XKR4: variants seen among roughly 807,000 people sequenced by gnomAD.
XKR4 encodes XK related 4, also known as XK-related protein 4.
In XKR4, 12 loss-of-function variants were observed where a neutral mutation model predicts 53.9. The ratio of observed to expected loss-of-function variants is 0.22; its 90% CI spans 0.14 to 0.36. XKR4 has a LOEUF of 0.36. Among genes scored for constraint, XKR4 ranks in the 10% least tolerant of loss-of-function variants. The pLI is 1.00. For synonymous variants in XKR4, 354 were observed against 362.4 expected (o/e 0.98, Z 0.26); for missense variants, 799 against 859.5 (o/e 0.93, Z 0.88).
At chr8:55,164,098 C>T in intron 1 of XKR4, 1 of 431,172 alleles carries the variant, frequency 2.3e-6, no homozygotes, top group Non-Finnish European at 4.7e-6. Context: ...ATTAAGACCT[C>T]CACCTTCTCT....
At chr8:55,286,678 A>G (rs897054266) in intron 1 of XKR4, among the ~76,000 whole-genome samples, 2 of 152,238 alleles carry the variant, frequency 1.3e-5, no homozygotes, top group Non-Finnish European at 2.9e-5. Flanking sequence ...GCATGCCTTC[A>G]GCCAAAAGCT....
intron 2 of XKR4, among the ~76,000 whole-genome samples, chr8:55,369,397 G>A (rs188743738): frequency 3.3e-4 from 20 of 60,984 alleles, no homozygotes; most frequent in South Asian, 8.8e-4. Context: ...GAGGGGAGGG[G>A]AGGGGAGGGA....
chr8:55,106,263 C>A lies in XKR4; in HGVS notation c.806+2969C>A, dbSNP rs1005023194. 8.5e-5 allele frequency among the ~76,000 whole-genome samples: 13 copies of A among 152,186 alleles called. No individual in the cohort carries two copies. In the South Asian group the frequency reaches 2.5e-3, roughly 29 times the overall value. Reference sequence around the variant, plus strand: ...AAGCATTTGCTTGTTTAGAAATAGCCATTGAAACATTGTGGGTAAGATTTG... The same window carrying A: ...AAGCATTTGCTTGTTTAGAAATAGCAATTGAAACATTGTGGGTAAGATTTG... On this transcript the variant is annotated intron_variant, in intron 1 of 2. Transcript: ENST00000327381.
intron 2 of XKR4, chr8:55,455,019 A>G: frequency 5.2e-6 from 4 of 764,142 alleles, no homozygotes; most frequent in South Asian, 1.4e-5. Context: ...AGCTGGGGGA[A>G]TGGGTTGGCC....
intron 2 of XKR4, among the ~76,000 whole-genome samples, chr8:55,359,183 A>G (rs945719189): frequency 6.6e-5 from 10 of 152,232 alleles, no homozygotes; most frequent in Non-Finnish European, 1.3e-4. Flanking sequence ...GAGAAGGCAG[A>G]AGGCCGTGTG....
At chr8:55,465,291 A>G (rs1273854333) in intron 2 of XKR4, among the ~76,000 whole-genome samples, 1 of 152,170 alleles carries the variant, frequency 6.6e-6, no homozygotes, top group Non-Finnish European at 1.5e-5. Context: ...AAACAGAGAT[A>G]TAGACCAAAG....
At chr8:55,277,037 C>T (rs1434441868) in intron 1 of XKR4, among the ~76,000 whole-genome samples, 6 of 152,172 alleles carry the variant, frequency 3.9e-5, no homozygotes, top group Non-Finnish European at 5.9e-5. Context: ...CTGAGTCTGA[C>T]AGCACTTAGG....
intron 1 of XKR4, chr8:55,273,025 G>A: frequency 2.7e-6 from 1 of 373,898 alleles, no homozygotes; most frequent in South Asian, 2.0e-5. Context: ...GGTGTGATGT[G>A]GTGATGTAAT....
intron 1 of XKR4, among the ~76,000 whole-genome samples, chr8:55,354,332 C>T (rs567668704): frequency 6.6e-6 from 1 of 152,178 alleles, no homozygotes; most frequent in Non-Finnish European, 1.5e-5. Context: ...AGGCTGGGTC[C>T]TTTAATCCCA....
intron 2 of XKR4, chr8:55,449,997 G>A (rs2129396061): frequency 2.5e-6 from 2 of 816,284 alleles, no homozygotes; most frequent in South Asian, 2.8e-5. Context: ...TACCCAGCGA[G>A]CAGCGGTGGT....
rs1392914611 is a variant in XKR4 at position 55,357,801 on chromosome 8, C to A, written c.930C>A (p.Thr310=). 1 of 1,614,026 alleles carries A rather than the reference C, an allele frequency of 6.2e-7. No individual in the cohort carries two copies. Among genetic ancestry groups the A allele is most frequent in the Non-Finnish European group, 8.5e-7 (1 of 1,180,036 alleles). ...ADVSMLHLLA[T]FLESAPQLVL... is the part of the protein sequence containing the mutation. ...TGAGTATGCTGCATTTGCTAGCCACCTTTCTGGAAAGTGCTCCACAGCTGG... is the reference window on the plus strand; with the variant it reads ...TGAGTATGCTGCATTTGCTAGCCACATTTCTGGAAAGTGCTCCACAGCTGG... The change falls in exon 2 of 3, where the codon ACC becomes ACA. Residue 310 remains threonine, a synonymous_variant. Transcript: ENST00000327381.
intron 1 of XKR4, among the ~76,000 whole-genome samples, chr8:55,191,807 A>C (rs549678498): frequency 5.5e-4 from 84 of 152,024 alleles, no homozygotes; most frequent in African/African-American, 1.9e-3. Flanking sequence ...AATCAGAAGA[A>C]CATTCCCACT....
intron 1 of XKR4, among the ~76,000 whole-genome samples, chr8:55,200,832 G>T (rs1436832192): frequency 6.6e-6 from 1 of 152,178 alleles, no homozygotes; most frequent in African/African-American, 2.4e-5. Flanking sequence ...TTTTAATAAT[G>T]GCTAAACAGG....
At chr8:55,201,438 C>G (rs905634397) in intron 1 of XKR4, among the ~76,000 whole-genome samples, 1 of 152,220 alleles carries the variant, frequency 6.6e-6, no homozygotes, top group Non-Finnish European at 1.5e-5. Flanking sequence ...TATCCCTGTC[C>G]TCTCTAGACT....
chr8:55,303,721 C>T (rs1819243005), intron 1 of XKR4, among the ~76,000 whole-genome samples: 1 of 152,124 alleles, frequency 6.6e-6, no homozygotes, highest in African/African-American at 2.4e-5. Context: ...CTGGTTTAGT[C>T]TTGGGAGGGT....
chr8:55,392,414 C>A lies in XKR4; in HGVS notation c.1006+34537C>A, dbSNP rs2129388805. Among the ~76,000 whole-genome samples, 2 of 152,256 alleles carry A rather than the reference C, an allele frequency of 1.3e-5. 1 individual carries two copies. The highest frequency in any genetic ancestry group is 6.8e-3 in the Middle Eastern group (2 of 294). ...AAAGGGACTTTGGCCAAAGATGAGA[C>A]AATGTTTTTTAAAAAGACAATTAAT... On this transcript the variant is annotated intron_variant, in intron 2 of 2. Transcript: ENST00000327381.
rs751859044 is a variant in XKR4 at position 55,530,342 on chromosome 8, C to G, written c.*6115C>G. On this transcript the variant is annotated 3_prime_UTR_variant, in exon 3 of 3. Transcript: ENST00000327381. ...AATATTTAAGAGGATTATTAAACCA[C>G]TAGCTTGAACAATCATATAAGTCTA... 2.0e-5 allele frequency: 3 copies of G among 152,176 alleles called. No homozygotes were observed. The highest frequency in any genetic ancestry group is 7.2e-5 in the African/African-American group (3 of 41,456). The allele number at this position is 152,176 out of a possible 1,614,324, so 9.4% of individuals were successfully genotyped here.
At chr8:55,310,090 A>G (rs1708076344) in intron 1 of XKR4, among the ~76,000 whole-genome samples, 1 of 152,158 alleles carries the variant, frequency 6.6e-6, no homozygotes, top group African/African-American at 2.4e-5. Flanking sequence ...AAACATGTAT[A>G]ACTTTCTAAA....
At chr8:55,424,075 G>C (rs1455538698) in intron 2 of XKR4, among the ~76,000 whole-genome samples, 1 of 152,208 alleles carries the variant, frequency 6.6e-6, no homozygotes, top group African/African-American at 2.4e-5. Flanking sequence ...GAGCTTATCT[G>C]TAGGAGCACA....
Sources: gnomAD v4.1 joint callset for allele counts (sites outside exome capture counted in the v4.1 genomes callset) on GRCh38, gnomAD v4.1.1 for gene constraint, MANE v1.5 for transcripts, NCBI Gene and HGNC (gene_info 2026-07-23, HGNC 2026-07-21) for gene names.